Variants in TAS2R1 observed in about 807,000 individuals in gnomAD.
The protein encoded by TAS2R1 is taste receptor type 2 member 1.
For synonymous variants in TAS2R1, 141 were observed against 134.2 expected, an observed-to-expected ratio of 1.05 and a Z score of -0.35; for missense variants, 370 against 353.4, an observed-to-expected ratio of 1.05 and a Z score of -0.38.
At chr5:9,642,680 T>G (rs1350443051) in intron 2 of TAS2R1, among the ~76,000 whole-genome samples, 4 of 152,232 alleles carry the variant, frequency 2.6e-5, no homozygotes, top group African/African-American at 9.6e-5. Context: ...TGCTTTTTCT[T>G]ACTCCACTCA....
chr5:9,795,620 C>A, the TAS2R1 span, among the ~76,000 whole-genome samples: 1 of 152,130 alleles, frequency 6.6e-6, no homozygotes, highest in Non-Finnish European at 1.5e-5. Flanking sequence ...TCACACTTGG[C>A]CCCATCCAAG....
chr5:9,762,630 CTT>C, the TAS2R1 span, among the ~76,000 whole-genome samples: 1 of 152,220 alleles, frequency 6.6e-6, no homozygotes, highest in African/African-American at 2.4e-5. Flanking sequence ...TGATCTGAAT[CTT>C]TTCCCTTGAG....
the TAS2R1 span, among the ~76,000 whole-genome samples, chr5:9,719,905 G>T: frequency 0.043 from 4,846 of 114,008 alleles, 126 homozygotes; most frequent in Middle Eastern, 0.18. Flanking sequence ...GCGACAGAGC[G>T]AAGATTCCGA....
the TAS2R1 span, among the ~76,000 whole-genome samples, chr5:9,859,970 C>G: frequency 2.6e-5 from 4 of 152,170 alleles, no homozygotes; most frequent in Non-Finnish European, 2.9e-5. Context: ...AGTCAACAGT[C>G]CAATCATTTA....
chr5:9,653,735 G>T (rs1234032348), intron 2 of TAS2R1, among the ~76,000 whole-genome samples: 1 of 152,168 alleles, frequency 6.6e-6, no homozygotes, highest in Non-Finnish European at 1.5e-5. Flanking sequence ...AACAAAAGAA[G>T]TGCATGATAC....
chr5:9,860,392 C>G, the TAS2R1 span, among the ~76,000 whole-genome samples: 2 of 152,224 alleles, frequency 1.3e-5, no homozygotes, highest in African/African-American at 4.8e-5. Flanking sequence ...CCCTCCCCAG[C>G]TCAGGCTCCT....
At chr5:9,665,561 G>C (rs1740615342) in intron 1 of TAS2R1, among the ~76,000 whole-genome samples, 2 of 152,196 alleles carry the variant, frequency 1.3e-5, no homozygotes, top group South Asian at 2.1e-4. Context: ...TTCCTCTCTA[G>C]GACACACCTT....
At chr5:9,638,310 C>A (rs1740002608) in intron 2 of TAS2R1, among the ~76,000 whole-genome samples, 1 of 152,216 alleles carries the variant, frequency 6.6e-6, no homozygotes, top group Non-Finnish European at 1.5e-5. Context: ...TGGATTCCAG[C>A]ACCTGCTCTA....
At chr5:9,755,629 A>C in the TAS2R1 span, among the ~76,000 whole-genome samples, 1 of 151,982 alleles carries the variant, frequency 6.6e-6, no homozygotes, top group African/African-American at 2.4e-5. Flanking sequence ...TAAAGGAATA[A>C]AGAATGGCTA....
At chr5:9,835,569 G>A in the TAS2R1 span, among the ~76,000 whole-genome samples, 1 of 152,220 alleles carries the variant, frequency 6.6e-6, no homozygotes, top group African/African-American at 2.4e-5. Flanking sequence ...CTACTTCCCA[G>A]CAGGATGCTG....
At chr5:9,807,486 A>G in the TAS2R1 span, among the ~76,000 whole-genome samples, 1 of 152,182 alleles carries the variant, frequency 6.6e-6, no homozygotes. Flanking sequence ...AATTTCAAAA[A>G]TATGGAACCA....
intron 2 of TAS2R1, among the ~76,000 whole-genome samples, chr5:9,653,611 C>T (rs950097684): frequency 3.3e-5 from 5 of 152,094 alleles, no homozygotes; most frequent in Non-Finnish European, 5.9e-5. Context: ...TTCACAGCAG[C>T]GACACCATTT....
the TAS2R1 span, among the ~76,000 whole-genome samples, chr5:9,867,605 G>A: frequency 6.6e-6 from 1 of 152,240 alleles, no homozygotes; most frequent in South Asian, 2.1e-4. Context: ...TTCAAGATGA[G>A]ATTTGGGTGG....
chr5:9,653,747 G>A (rs1282760625), intron 2 of TAS2R1, among the ~76,000 whole-genome samples: 3 of 152,126 alleles, frequency 2.0e-5, no homozygotes, highest in Non-Finnish European at 2.9e-5. Flanking sequence ...GCATGATACT[G>A]TATCACTTAC....
At chr5:9,641,919 G>A (rs1277389057) in intron 2 of TAS2R1, 1 of 152,194 alleles carries the variant, frequency 6.6e-6, no homozygotes, top group Non-Finnish European at 1.5e-5. Context: ...TGGACAAATA[G>A]CTTGGAACAG....
chr5:9,882,640 AAATT>A, the TAS2R1 span, among the ~76,000 whole-genome samples: 1 of 152,166 alleles, frequency 6.6e-6, no homozygotes, highest in Non-Finnish European at 1.5e-5. Context: ...AAATATAAAT[AAATT>A]AATTAATAAA....
chr5:9,830,630 C>CAG, the TAS2R1 span, among the ~76,000 whole-genome samples: 1 of 152,030 alleles, frequency 6.6e-6, no homozygotes, highest in Non-Finnish European at 1.5e-5. Flanking sequence ...CACACACACA[C>CAG]ACACATACAA....
At chr5:9,733,924 A>C in the TAS2R1 span, among the ~76,000 whole-genome samples, 3 of 152,122 alleles carry the variant, frequency 2.0e-5, no homozygotes, top group East Asian at 5.8e-4. Context: ...TTCCCAATAT[A>C]ACTATTTCCA....
the TAS2R1 span, among the ~76,000 whole-genome samples, chr5:9,783,050 T>C: frequency 0.016 from 2,363 of 152,286 alleles, 40 homozygotes; most frequent in South Asian, 0.039. Flanking sequence ...TCCCCATGGC[T>C]GCAGAAGGGG....
Sources: allele counts gnomAD v4.1 joint callset (sites outside exome capture counted in the v4.1 genomes callset), GRCh38; gene constraint gnomAD v4.1.1; transcripts MANE v1.5; gene names NCBI Gene and HGNC (gene_info 2026-07-23, HGNC 2026-07-21).